TLCD4: variants seen among roughly 807,000 people sequenced by gnomAD.
TLCD4 encodes TLC domain containing 4.
Under a neutral mutation model 24.2 loss-of-function variants are expected in TLCD4, and 7 were observed. The ratio of observed to expected loss-of-function variants is 0.29; its 90% CI spans 0.16 to 0.54. TLCD4 has a LOEUF of 0.54. Ranked by LOEUF, TLCD4 falls within the 20% of genes least tolerant of loss-of-function variation. The probability of loss-of-function intolerance (pLI) is 0.95; values close to 1 mark genes in which losing one functional copy is unlikely to be tolerated. For missense variants in TLCD4, 259 were observed against 313.9 expected (o/e 0.82, Z 1.32); for synonymous variants, 103 against 106.4 (o/e 0.97, Z 0.20).
At chr1:95,107,395 C>G in the TLCD4 span, among the ~76,000 whole-genome samples, 43 of 152,208 alleles carry the variant, frequency 2.8e-4, no homozygotes, top group African/African-American at 1.0e-3. Flanking sequence ...TGCACTTCAG[C>G]CTGGGCGACA....
chr1:95,129,781 T>C (rs2100913257), intron 1 of TLCD4, among the ~76,000 whole-genome samples: 1 of 152,300 alleles, frequency 6.6e-6, no homozygotes, highest in South Asian at 2.1e-4. Flanking sequence ...ACATAGGGCT[T>C]CTTCACCTTT....
the TLCD4 span, among the ~76,000 whole-genome samples, chr1:95,096,884 A>C: frequency 6.6e-6 from 1 of 152,194 alleles, no homozygotes; most frequent in East Asian, 1.9e-4. Flanking sequence ...GGTAGTGGAA[A>C]GCCTACTGGA....
intron 5 of TLCD4, among the ~76,000 whole-genome samples, chr1:95,152,665 G>T (rs929760273): frequency 6.6e-6 from 1 of 152,006 alleles, no homozygotes; most frequent in Non-Finnish European, 1.5e-5. Context: ...ATTTACTGAC[G>T]TTTTGAAATT....
At chr1:95,174,079 G>C in intron 6 of TLCD4, 190 bp downstream of exon 6, 1 of 770,028 alleles carries the variant, frequency 1.3e-6, no homozygotes. Context: ...AGTTTCCCTA[G>C]CTAGCAAGTG....
chr1:95,149,478 G>A (rs1677433458), intron 3 of TLCD4, among the ~76,000 whole-genome samples: 1 of 152,054 alleles, frequency 6.6e-6, no homozygotes, highest in African/African-American at 2.4e-5. Context: ...GGGCAATTTA[G>A]CCTTTTCTTT....
At position 95,191,917 on chromosome 1, in the gene TLCD4, G is replaced by C; in HGVS notation, c.*49G>C. ...TTCATTACTACCCAGCATATCTGCT[G>C]ATAGGATGAATTCTTGGCATGTTCT... On this transcript the variant is annotated 3_prime_UTR_variant, in exon 7 of 7. Coordinates refer to ENST00000370203, the MANE Select transcript of TLCD4 (RefSeq NM_152487.3). 1 of 1,562,328 alleles carries C rather than the reference G, an allele frequency of 6.4e-7. No homozygotes were observed. Among genetic ancestry groups the C allele is most frequent in the East Asian group, 2.3e-5 (1 of 44,214 alleles).
At chr1:95,155,075 G>A (rs1677595950) in intron 5 of TLCD4, among the ~76,000 whole-genome samples, 1 of 151,792 alleles carries the variant, frequency 6.6e-6, no homozygotes, top group Admixed American at 6.6e-5. Flanking sequence ...TTTCTGTCCA[G>A]GCCTTTGGTG....
intron 6 of TLCD4, among the ~76,000 whole-genome samples, chr1:95,185,027 T>C (rs1571786443): frequency 6.6e-6 from 1 of 152,250 alleles, no homozygotes; most frequent in South Asian, 2.1e-4. Context: ...AATTTCTTTT[T>C]TTTTTTCTTT....
chr1:95,180,382 C>T (rs1439013843), intron 6 of TLCD4, among the ~76,000 whole-genome samples: 2 of 152,078 alleles, frequency 1.3e-5, no homozygotes, highest in Non-Finnish European at 2.9e-5. Flanking sequence ...TGAGAACTGG[C>T]GTTAGAATAT....
At chr1:95,157,080 GATAA>G (rs1399335898) in intron 5 of TLCD4, among the ~76,000 whole-genome samples, 1 of 152,038 alleles carries the variant, frequency 6.6e-6, no homozygotes, top group Non-Finnish European at 1.5e-5. Context: ...AAAAAGCTGA[GATAA>G]ATAATGTTTT....
At chr1:95,132,728 C>T (rs1265638608) in intron 1 of TLCD4, among the ~76,000 whole-genome samples, 2 of 151,980 alleles carry the variant, frequency 1.3e-5, no homozygotes, top group African/African-American at 2.4e-5. Flanking sequence ...ACTGAAGCCA[C>T]AGGTGTAGGT....
chr1:95,093,945 C>T, the TLCD4 span, among the ~76,000 whole-genome samples: 2 of 152,162 alleles, frequency 1.3e-5, no homozygotes, highest in African/African-American at 4.8e-5. Flanking sequence ...TGTGACTTTT[C>T]TGTTTTTCTC....
chr1:95,146,161 A>G (rs17113072), intron 2 of TLCD4, among the ~76,000 whole-genome samples: 18,555 of 152,034 alleles, frequency 0.12, 1,130 homozygotes, highest in Middle Eastern at 0.17. Context: ...GCCATCTAGT[A>G]TAAAAAGAAA....
the TLCD4 span, among the ~76,000 whole-genome samples, chr1:95,110,866 TAAA>T: frequency 2.2e-4 from 26 of 119,520 alleles, no homozygotes; most frequent in Non-Finnish European, 2.7e-4. Context: ...AAAAGAAAAG[TAAA>T]AAAAAAAAAA....
upstream of TLCD4, among the ~76,000 whole-genome samples, chr1:95,114,765 G>A (rs1039616625): frequency 3.3e-5 from 5 of 151,872 alleles, no homozygotes; most frequent in African/African-American, 1.2e-4. Flanking sequence ...GGCGGAGGTT[G>A]CAGTGATCCG....
chr1:95,184,557 T>C (rs1181546477), intron 6 of TLCD4, among the ~76,000 whole-genome samples: 2 of 152,164 alleles, frequency 1.3e-5, no homozygotes, highest in African/African-American at 4.8e-5. Context: ...GAATAATTGC[T>C]AAATGACCAA....
upstream of TLCD4, among the ~76,000 whole-genome samples, chr1:95,113,694 C>G (rs1199188993): frequency 6.6e-6 from 1 of 152,078 alleles, no homozygotes; most frequent in African/African-American, 2.4e-5. Flanking sequence ...CAAAACAATA[C>G]ACATACATTG....
At chr1:95,104,439 C>T in the TLCD4 span, among the ~76,000 whole-genome samples, 3 of 151,686 alleles carry the variant, frequency 2.0e-5, no homozygotes, top group African/African-American at 2.4e-5. Context: ...CCGAGGCGGG[C>T]GGATCAGGAG....
At chr1:95,139,174 C>CAAAAAAAAA (rs71097248) in intron 1 of TLCD4, among the ~76,000 whole-genome samples, 4 of 76,796 alleles carry the variant, frequency 5.2e-5, no homozygotes, top group Non-Finnish European at 8.0e-5. Flanking sequence ...GAACCTGTGT[C>CAAAAAAAAA]AAAAAAAAAA....
Sources: gnomAD v4.1 joint callset for allele counts (sites outside exome capture counted in the v4.1 genomes callset) on GRCh38, gnomAD v4.1.1 for gene constraint, MANE v1.5 for transcripts, NCBI Gene and HGNC (gene_info 2026-07-23, HGNC 2026-07-21) for gene names.